DNAH6: variants seen among roughly 807,000 people sequenced by gnomAD.
DNAH6 encodes dynein axonemal heavy chain 6, also known as axonemal beta dynein heavy chain 6.
A neutral mutation model predicts 491.4 loss-of-function variants in DNAH6; 340 were observed. The observed-to-expected ratio is 0.69, with a 90% CI of 0.63 to 0.76. DNAH6 has a LOEUF of 0.76. DNAH6 is among the 30% of genes least tolerant of loss of function. The pLI is 0.00. For missense variants in DNAH6, 4,443 were observed against 4,972.2 expected, an observed-to-expected ratio of 0.89 and a Z score of 3.20; for synonymous variants, 1,603 against 1,686.1, an observed-to-expected ratio of 0.95 and a Z score of 1.21.
At position 84,798,704 on chromosome 2, in the gene DNAH6, G is replaced by A. The variant is rs529426987; in HGVS notation, c.11481+1046G>A. On this transcript the variant is annotated intron_variant, in intron 70 of 76. Transcript: ENST00000389394. The stretch of plus-strand genomic sequence containing the variant: ...CCCTCCCAAGACCACCTCTGAGGCC[G>A]CTCCTGTGGGAGAGTGCCCACAGCA... Among the ~76,000 whole-genome samples the A allele has an allele frequency of 8.5e-5, 13 of 152,248 alleles. No individual in the cohort carries two copies. The South Asian group carries it at 1.0e-3, about 12-fold the overall frequency.
At chr2:84,795,759 A>G (rs771202960) in intron 68 of DNAH6, among the ~76,000 whole-genome samples, 13 of 152,224 alleles carry the variant, frequency 8.5e-5, no homozygotes, top group Non-Finnish European at 1.8e-4. Context: ...CTCTGTGGAA[A>G]GAGAGATGGG....
At chr2:84,550,680 G>A (rs1679252130) in intron 9 of DNAH6, among the ~76,000 whole-genome samples, 1 of 152,118 alleles carries the variant, frequency 6.6e-6, no homozygotes, top group Admixed American at 6.5e-5. Context: ...TATCTACTGT[G>A]TGCCAGTTCC....
intron 70 of DNAH6, among the ~76,000 whole-genome samples, chr2:84,799,121 G>A (rs1473452026): frequency 1.3e-5 from 2 of 151,876 alleles, no homozygotes; most frequent in African/African-American, 4.8e-5. Flanking sequence ...CCAAGTAGCT[G>A]GGATTACAGG....
chr2:84,520,861 T>G (rs890209639), intron 2 of DNAH6, among the ~76,000 whole-genome samples: 1 of 152,154 alleles, frequency 6.6e-6, no homozygotes, highest in African/African-American at 2.4e-5. Context: ...TGAATAGTGC[T>G]GCAATGAACA....
At chr2:84,680,285 C>T (rs770520851) in intron 41 of DNAH6, among the ~76,000 whole-genome samples, 1 of 152,108 alleles carries the variant, frequency 6.6e-6, no homozygotes, top group Admixed American at 6.5e-5. Flanking sequence ...CGTGGCTTCT[C>T]CCATTAGTTA....
intron 76 of DNAH6, among the ~76,000 whole-genome samples, chr2:84,819,044 C>T (rs1559077969): frequency 6.6e-6 from 1 of 152,118 alleles, no homozygotes; most frequent in Admixed American, 6.5e-5. Flanking sequence ...ACTACACTTC[C>T]AGCCTGGGTG....
intron 9 of DNAH6, among the ~76,000 whole-genome samples, chr2:84,551,649 A>G (rs1260702898): frequency 6.6e-6 from 1 of 152,188 alleles, no homozygotes; most frequent in African/African-American, 2.4e-5. Flanking sequence ...AAAAATTCCT[A>G]GATGTGGAAT....
chr2:84,508,692 T>G, the DNAH6 span, among the ~76,000 whole-genome samples: 9 of 152,336 alleles, frequency 5.9e-5, no homozygotes, highest in African/African-American at 2.2e-4. Flanking sequence ...CTGCTTTCTC[T>G]TATGGGCATT....
chr2:84,617,135 G>A (rs746842148), intron 23 of DNAH6, among the ~76,000 whole-genome samples, 153 bp downstream of exon 23: 1 of 152,026 alleles, frequency 6.6e-6, no homozygotes, highest in Non-Finnish European at 1.5e-5. Flanking sequence ...CGTAATTGAG[G>A]AGTATAAGTC....
chr2:84,585,598 A>G lies in DNAH6; in HGVS notation c.2481+1348A>G, dbSNP rs1038141631. Among the ~76,000 whole-genome samples, 3 of 152,040 alleles carry G rather than the reference A, an allele frequency of 2.0e-5. No homozygotes were observed. The Middle Eastern group carries it at 9.5e-3, about 481-fold the overall frequency. Reference sequence around the variant, plus strand: ...TCCCATCATCTCTGCAGCTCTCAGCAGAGAGGAGGCCTGGAGAGGGTAGCT... The same window carrying G: ...TCCCATCATCTCTGCAGCTCTCAGCGGAGAGGAGGCCTGGAGAGGGTAGCT... On this transcript the variant is annotated intron_variant, in intron 15 of 76. Coordinates refer to ENST00000389394, the MANE Select transcript of DNAH6 (RefSeq NM_001370.2).
chr2:84,785,664 GA>G lies in DNAH6; in HGVS notation c.11011del (p.Met3671Ter). 1 of 1,548,438 alleles carries G rather than the reference GA, an allele frequency of 6.5e-7. No individual in the cohort carries two copies. Among genetic ancestry groups the G allele is most frequent in the Non-Finnish European group, 8.7e-7 (1 of 1,146,016 alleles). On this transcript the variant is annotated frameshift_variant, in exon 67 of 77. Coordinates refer to ENST00000389394, the MANE Select transcript of DNAH6 (RefSeq NM_001370.2). LOFTEE classifies it high-confidence loss of function. ...TGCAAATATCAGACGAGCATTTACT[GA>G]AATGACACCTTCGTTTTTTGAAGAA... Reference protein sequence around the residue: ...LRANIRRAFTEMTPSFFEENI... With the variant: ...LRANIRRAFTXMTPSFFEENI...
In DNAH6 at chr2:84,777,620, G is replaced by A. The variant is rs553456626; in HGVS notation, c.10704-3873G>A. 6 of 803,152 alleles carry A rather than the reference G, an allele frequency of 7.5e-6. 1 individual carries two copies. In the South Asian group the frequency reaches 8.0e-5, roughly 11 times the overall value. 49.8% of individuals were successfully genotyped at this position (803,152 alleles called of 1,614,324 possible). The stretch of plus-strand genomic sequence containing the variant: ...TAAATCTGGGTGCAGAGTCTTCAGG[G>A]AGACATCAGCAACATTCACTCCACT... On this transcript the variant is annotated intron_variant, in intron 64 of 76. Coordinates refer to ENST00000389394, the MANE Select transcript of DNAH6 (RefSeq NM_001370.2).
At chr2:84,577,214 C>T in intron 12 of DNAH6, 43 bp from the exon 13 acceptor site, 1 of 1,237,338 alleles carries the variant, frequency 8.1e-7, no homozygotes, top group Non-Finnish European at 1.1e-6. Context: ...TTTTAAAATC[C>T]AATATGGTAT....
At chr2:84,605,399 T>G in intron 19 of DNAH6, 101 bp from the exon 20 acceptor site, 5 of 690,266 alleles carry the variant, frequency 7.2e-6, no homozygotes, top group South Asian at 4.9e-5. Context: ...AGGAGGAAAA[T>G]GGGATAATTA....
Position 84,640,495 on chromosome 2 carries a change from T to C in DNAH6, c.4887T>C (p.Tyr1629=). The C allele has an allele frequency of 6.4e-7, 1 of 1,550,760 alleles. No individual in the cohort carries two copies. Among genetic ancestry groups the C allele is most frequent in the Non-Finnish European group, 8.7e-7 (1 of 1,146,218 alleles). The change falls in exon 32 of 77, where the codon TAT becomes TAC. Residue 1629 remains tyrosine, a synonymous_variant. Coordinates refer to ENST00000389394, the MANE Select transcript of DNAH6 (RefSeq NM_001370.2). ...KILARKMTQM[Y]KLCSEQLSQQ... The stretch of plus-strand genomic sequence containing the variant: ...TAGCAAGAAAAATGACTCAGATGTA[T>C]AAGCTTTGCAGTGAGCAGCTGTCTC...
intron 44 of DNAH6, 91 bp downstream of exon 44, chr2:84,686,648 A>G (rs1694288973): frequency 2.5e-6 from 2 of 798,408 alleles, no homozygotes; most frequent in Non-Finnish European, 2.0e-6. Context: ...AAAACTTTAC[A>G]TGTGTGAGGA....
At chr2:84,742,685 C>T (rs1672640276) in intron 62 of DNAH6, among the ~76,000 whole-genome samples, 1 of 151,964 alleles carries the variant, frequency 6.6e-6, no homozygotes, top group African/African-American at 2.4e-5. Flanking sequence ...CTTTCTTCTT[C>T]CTTCTTCCTT....
chr2:84,529,284 C>G, intron 4 of DNAH6, 118 bp downstream of exon 4: 7 of 821,962 alleles, frequency 8.5e-6, no homozygotes, highest in Non-Finnish European at 1.3e-5. Context: ...GGTTATCATT[C>G]AATGATAAAT....
Position 84,525,749 on chromosome 2 carries a change from A to C in DNAH6, c.399+11A>C. On this transcript the variant is annotated intron_variant, in intron 3 of 76. Transcript: ENST00000389394. Reference sequence around the variant, plus strand: ...GTGAAAAAAATGCAGGTATAATATTAAAATACTTAATTGATTCTTTTAACT... The same window carrying C: ...GTGAAAAAAATGCAGGTATAATATTCAAATACTTAATTGATTCTTTTAACT... The C allele has an allele frequency of 7.2e-6, 11 of 1,520,452 alleles. No homozygotes were observed. Among genetic ancestry groups the C allele is most frequent in the Non-Finnish European group, 8.8e-6 (10 of 1,130,258 alleles). 94.2% of individuals were successfully genotyped at this position (1,520,452 alleles called of 1,614,324 possible). A position where few individuals can be genotyped will look rare whatever the true frequency, so the allele number is the denominator to read the frequency against.
Sources: gnomAD v4.1 joint callset for allele counts (sites outside exome capture counted in the v4.1 genomes callset) on GRCh38, gnomAD v4.1.1 for gene constraint, MANE v1.5 for transcripts, NCBI Gene and HGNC (gene_info 2026-07-23, HGNC 2026-07-21) for gene names.